Variants in FRMD1 observed in about 807,000 individuals in gnomAD.
FRMD1 encodes FERM domain containing 1, also known as FERM domain-containing protein 1.
Under a neutral mutation model 54.9 loss-of-function variants are expected in FRMD1, and 51 were observed. The observed-to-expected ratio is 0.93, with a 90% CI of 0.74 to 1.17. FRMD1 has a LOEUF of 1.17. Ranked by LOEUF, FRMD1 falls within the 50% of genes most tolerant of loss-of-function variation. The probability of loss-of-function intolerance (pLI) is 0.00; values close to 1 mark genes in which losing one functional copy is unlikely to be tolerated. For synonymous variants in FRMD1, 324 were observed against 306.4 expected (o/e 1.06, Z -0.60); for missense variants, 729 against 743.0 (o/e 0.98, Z 0.22).
chr6:168,075,976 C>T (rs1033028565), intron 1 of FRMD1: 19 of 1,081,694 alleles, frequency 1.8e-5, no homozygotes, highest in Non-Finnish European at 2.4e-5. Flanking sequence ...TCCGCATTTC[C>T]GGCGTCTCGC....
chr6:168,057,463 T>G (rs1390140743), intron 10 of FRMD1, 124 bp from the exon 11 acceptor site: 1 of 1,433,582 alleles, frequency 7.0e-7, no homozygotes, highest in Non-Finnish European at 9.3e-7. Context: ...TGCGCCGCAG[T>G]GCATGGCCGG....
chr6:168,079,128 C>G lies in FRMD1; in HGVS notation c.-34G>C, dbSNP rs559525437. On this transcript the variant is annotated 5_prime_UTR_variant, in exon 1 of 11. Coordinates refer to ENST00000283309, the MANE Select transcript of FRMD1 (RefSeq NM_024919.6). ...TACTCGGCCCTCCCCCGCCATGGGT[C>G]GCAGGTGGGTGCTCAGCACCTCCCA... 2 of 1,560,496 alleles carry G rather than the reference C, an allele frequency of 1.3e-6. No homozygotes were observed. The highest frequency in any genetic ancestry group is 1.2e-5 in the South Asian group (1 of 85,224).
At chr6:168,083,668 TG>T (rs1318541412), upstream of FRMD1, among the ~76,000 whole-genome samples, 1 of 152,082 alleles carries the variant, frequency 6.6e-6, no homozygotes, top group Non-Finnish European at 1.5e-5. Flanking sequence ...GGAGACAGGG[TG>T]GCCAGTCCCA....
At chr6:168,084,222 G>A (rs1001517202), upstream of FRMD1, among the ~76,000 whole-genome samples, 2 of 152,160 alleles carry the variant, frequency 1.3e-5, no homozygotes, top group East Asian at 1.9e-4. Context: ...GGGATTAGAC[G>A]GAAGCCTGGG....
At chr6:168,063,513 G>T in intron 6 of FRMD1, 88 bp downstream of exon 6, 2 of 1,393,286 alleles carry the variant, frequency 1.4e-6, no homozygotes, top group Non-Finnish European at 1.9e-6. Context: ...CCTGCCCTGG[G>T]GTCCTGATCC....
At chr6:168,065,530 G>A (rs1020626293) in intron 4 of FRMD1, 4 of 988,358 alleles carry the variant, frequency 4.0e-6, no homozygotes, top group African/African-American at 1.7e-5. Flanking sequence ...GCTCGCCCAA[G>A]ATGCAGGTGC....
At chr6:168,067,265 C>T in intron 3 of FRMD1, 102 bp downstream of exon 3, 1 of 778,160 alleles carries the variant, frequency 1.3e-6, no homozygotes, top group Non-Finnish European at 2.2e-6. Context: ...CGGTCCCCCA[C>T]AGCCCACCGC....
intron 4 of FRMD1, 137 bp downstream of exon 4, chr6:168,066,618 G>A (rs569663992): frequency 1.5e-5 from 22 of 1,430,296 alleles, no homozygotes; most frequent in African/African-American, 1.0e-4. Context: ...GCAAACAGCC[G>A]ATATAGTGGG....
upstream of FRMD1, chr6:168,081,484 GC>G (rs1160034954): frequency 6.5e-7 from 1 of 1,534,976 alleles, no homozygotes; most frequent in Non-Finnish European, 8.7e-7. Context: ...TCATGGCTGA[GC>G]CCTGGAGTCC....
upstream of FRMD1, among the ~76,000 whole-genome samples, chr6:168,080,680 C>T (rs115474297): frequency 6.2e-3 from 945 of 152,220 alleles, 7 homozygotes; most frequent in African/African-American, 0.021. Context: ...AGAACACCAC[C>T]GGCACACACA....
At chr6:168,088,362 C>T (rs546081380) in intron 1 of FRMD1, among the ~76,000 whole-genome samples, 8 of 152,224 alleles carry the variant, frequency 5.3e-5, no homozygotes, top group Non-Finnish European at 8.8e-5. Flanking sequence ...AAACTGCGGG[C>T]GGGGGAGTGG....
rs531541472 is a variant in FRMD1, at chr6:168,088,984, TC to T, written c.-11-9961del. 2.2e-3 allele frequency among the ~76,000 whole-genome samples: 306 copies of T among 142,120 alleles called. 1 individual carries two copies. Among genetic ancestry groups the T allele is most frequent in the African/African-American group, 7.4e-3 (297 of 40,040 alleles). The allele number at this position is 142,120 out of a possible 152,430, so 93.2% of individuals were successfully genotyped here. A position where few individuals can be genotyped will look rare whatever the true frequency, so the allele number is the denominator to read the frequency against. The stretch of plus-strand genomic sequence containing the variant: ...CGTGCCCTGCTGAGAGCCCAAGTCC[TC>T]CCCGCCAGTTTGGCTCCTGGGGAAT... On this transcript the variant is annotated intron_variant, in intron 1 of 12. Transcript: ENST00000644440.
intron 1 of FRMD1, among the ~76,000 whole-genome samples, chr6:168,091,323 C>A (rs1003184842): frequency 6.6e-6 from 1 of 152,230 alleles, no homozygotes; most frequent in Non-Finnish European, 1.5e-5. Flanking sequence ...GGACTCTGCT[C>A]TCTGTGCCCC....
rs1363016621 is a variant in FRMD1 at position 168,065,041 on chromosome 6, G to T, written c.478C>A (p.His160Asn). The stretch of plus-strand genomic sequence containing the variant: ...TCCTTCAAGTGGCAGTAGTACAGGT[G>T]CCGTGCCCTGTGGTCGCTGGAAGGT... The part of the protein sequence containing the change: ...GRVISDHRAR[H>N]LYYCHLKERV... The change falls in exon 5 of 11, where the codon CAC becomes AAC. Residue 160 changes from histidine to asparagine, a missense_variant. Transcript: ENST00000283309. 1.0e-5 allele frequency: 16 copies of T among 1,603,822 alleles called. No individual in the cohort carries two copies. The highest frequency in any genetic ancestry group is 1.4e-5 in the Non-Finnish European group (16 of 1,173,670).
At chr6:168,088,760 C>A (rs957986330) in intron 1 of FRMD1, among the ~76,000 whole-genome samples, 3 of 152,000 alleles carry the variant, frequency 2.0e-5, no homozygotes, top group African/African-American at 7.3e-5. Context: ...ACTGCTGTCC[C>A]CTGCACACAG....
intron 1 of FRMD1, chr6:168,075,733 T>A: frequency 3.2e-6 from 5 of 1,541,758 alleles, no homozygotes; most frequent in Non-Finnish European, 3.5e-6. Context: ...AGCATCGGTG[T>A]CTCACATCAT....
At position 168,055,436 on chromosome 6, in the gene FRMD1, G is replaced by A. The variant is rs1328699651; in HGVS notation, c.*1661C>T. Reference sequence around the variant, plus strand: ...GCATGTAGGTCTTGGCTCAGACCCTGCTTCATGGTGGACACCACCTGCTGT... The same window carrying A: ...GCATGTAGGTCTTGGCTCAGACCCTACTTCATGGTGGACACCACCTGCTGT... On this transcript the variant is annotated 3_prime_UTR_variant, in exon 11 of 11. Transcript: ENST00000283309. The A allele has an allele frequency of 6.6e-6, 1 of 152,362 alleles. No homozygotes were observed. The highest frequency in any genetic ancestry group is 1.5e-5 in the Non-Finnish European group (1 of 68,144). 9.4% of individuals were successfully genotyped at this position (152,362 alleles called of 1,614,324 possible). A position where few individuals can be genotyped will look rare whatever the true frequency, so the allele number is the denominator to read the frequency against.
rs116395840 is a variant in FRMD1, at chr6:168,072,557, G to A, written c.304+2688C>T. 6.0e-3 allele frequency among the ~76,000 whole-genome samples: 913 copies of A among 152,296 alleles called. 5 individuals are homozygous for A. Among genetic ancestry groups the A allele is most frequent in the African/African-American group, 0.021 (858 of 41,558 alleles). Reference sequence around the variant, plus strand: ...GCACAGACGAGGCAGAGTGGAGCGCGGACCAGAGCTCGCCCCCCAAACACG... The same window carrying A: ...GCACAGACGAGGCAGAGTGGAGCGCAGACCAGAGCTCGCCCCCCAAACACG... On this transcript the variant is annotated intron_variant, in intron 2 of 10. Transcript: ENST00000283309.
At chr6:168,057,755 C>CTA in intron 10 of FRMD1, 1 of 188,208 alleles carries the variant, frequency 5.3e-6, no homozygotes, top group South Asian at 1.0e-4. Context: ...TGTCCAAGGT[C>CTA]CCGTCCAGGT....
Sources: allele counts gnomAD v4.1 joint callset (sites outside exome capture counted in the v4.1 genomes callset), GRCh38; gene constraint gnomAD v4.1.1; transcripts MANE v1.5; gene names NCBI Gene and HGNC (gene_info 2026-07-23, HGNC 2026-07-21).